EMC2: variants seen among roughly 807,000 people sequenced by gnomAD.
The protein encoded by EMC2 is ER membrane protein complex subunit 2.
Under a neutral mutation model 51.6 loss-of-function variants are expected in EMC2, and 37 were observed. The ratio of observed to expected loss-of-function variants is 0.72; its 90% confidence interval spans 0.55 to 0.94. EMC2 has a LOEUF of 0.94. Ranked by LOEUF, EMC2 falls within the 40% of genes least tolerant of loss-of-function variation. The pLI is 0.00. For synonymous variants in EMC2, 131 were observed against 112.4 expected (o/e 1.17, Z -1.04); for missense variants, 359 against 350.9 (o/e 1.02, Z -0.18).
rs1811186310 is a variant in EMC2 at position 108,488,639 on chromosome 8, G to A, written c.*2041G>A. Among the ~76,000 whole-genome samples, 1 of 152,128 alleles carries A rather than the reference G, an allele frequency of 6.6e-6. No individual in the cohort carries two copies. The highest frequency in any genetic ancestry group is 2.4e-5 in the African/African-American group (1 of 41,430). ...TTCTTCTTTAGCAGTACCTTAGTTT[G>A]ATCTGATAGTGGCAAGGATCCCTCT... is the stretch of plus-strand genomic sequence containing the variant. On this transcript the variant is annotated 3_prime_UTR_variant, in exon 11 of 11. Transcript: ENST00000220853.
In EMC2 at chr8:108,487,248, A is replaced by G. The variant is rs1445437827; in HGVS notation, c.*650A>G. 1.3e-5 allele frequency among the ~76,000 whole-genome samples: 2 copies of G among 152,118 alleles called. No homozygotes were observed. Among genetic ancestry groups the G allele is most frequent in the African/African-American group, 4.8e-5 (2 of 41,442 alleles). ...TTACATATAAAATGCCTTAAGATAA[A>G]TATGTGTTACGACACTTTAACTTTT... On this transcript the variant is annotated 3_prime_UTR_variant, in exon 11 of 11. Coordinates refer to ENST00000220853, the MANE Select transcript of EMC2 (RefSeq NM_014673.5).
At chr8:108,462,176 G>A (rs1238336108) in intron 5 of EMC2, among the ~76,000 whole-genome samples, 21 of 151,588 alleles carry the variant, frequency 1.4e-4, no homozygotes, top group Admixed American at 4.6e-4. Flanking sequence ...ATAGGCCTGC[G>A]CGTGTGTGTG....
At chr8:108,455,851 G>T in intron 4 of EMC2, 22 bp from the exon 5 acceptor site, 2 of 892,964 alleles carry the variant, frequency 2.2e-6, no homozygotes, top group Non-Finnish European at 3.4e-6. Flanking sequence ...AATTGTAGAT[G>T]TTTCTTTTTC....
At chr8:108,459,202 A>G (rs1819244650) in intron 5 of EMC2, among the ~76,000 whole-genome samples, 1 of 152,226 alleles carries the variant, frequency 6.6e-6, no homozygotes, top group South Asian at 2.1e-4. Context: ...GTAGGGAGTT[A>G]CAAACTTTCC....
In EMC2 at chr8:108,455,861, C is replaced by A; in HGVS notation, c.306-12C>A. ...GTAATAATTGTAGATGTTTCTTTTT[C>A]TTTTTAAATAGATATGATGATGCTA... is the stretch of plus-strand genomic sequence containing the variant. On this transcript the variant is annotated splice_polypyrimidine_tract_variant and intron_variant, in intron 4 of 10. Coordinates refer to ENST00000220853, the MANE Select transcript of EMC2 (RefSeq NM_014673.5). The A allele has an allele frequency of 2.0e-6, 2 of 1,014,938 alleles. No individual in the cohort carries two copies. The highest frequency in any genetic ancestry group is 2.9e-6 in the Non-Finnish European group (2 of 696,860). The allele number at this position is 1,014,938 out of a possible 1,614,324, so 62.9% of individuals were successfully genotyped here. A position where few individuals can be genotyped will look rare whatever the true frequency, so the allele number is the denominator to read the frequency against.
intron 2 of EMC2, among the ~76,000 whole-genome samples, 178 bp from the exon 3 acceptor site, chr8:108,450,248 CAT>C (rs1818983801): frequency 1.3e-5 from 2 of 152,252 alleles, no homozygotes; most frequent in South Asian, 4.1e-4. Flanking sequence ...CTTACATTAA[CAT>C]ATTTTACACT....
rs147396083 is a variant in EMC2 at position 108,467,217 on chromosome 8, G to A, written c.364-2609G>A. On this transcript the variant is annotated intron_variant, in intron 5 of 10. Coordinates refer to ENST00000220853, the MANE Select transcript of EMC2 (RefSeq NM_014673.5). ...TGAATGCGTGGAAACTAAGATGTGC[G>A]TTTCTATTTTTATCTTAGTTTTTTG... is the stretch of plus-strand genomic sequence containing the variant. 2.6e-4 allele frequency among the ~76,000 whole-genome samples: 39 copies of A among 152,094 alleles called. No homozygotes were observed. The East Asian group carries it at 6.2e-3, about 24-fold the overall frequency.
At chr8:108,452,492 A>G (rs1374311961) in intron 3 of EMC2, among the ~76,000 whole-genome samples, 3 of 152,118 alleles carry the variant, frequency 2.0e-5, no homozygotes, top group East Asian at 1.9e-4. Context: ...GCTTGAACCC[A>G]GGAGGTGGAG....
chr8:108,463,334 G>C (rs1263269548), intron 5 of EMC2, among the ~76,000 whole-genome samples: 1 of 152,158 alleles, frequency 6.6e-6, no homozygotes, highest in African/African-American at 2.4e-5. Context: ...AATTGGAGGG[G>C]ACTGGGCTAC....
chr8:108,459,011 A>G (rs1010810572), intron 5 of EMC2, among the ~76,000 whole-genome samples: 1 of 152,180 alleles, frequency 6.6e-6, no homozygotes, highest in Admixed American at 6.5e-5. Flanking sequence ...ATCTCTCTCA[A>G]GTTCAGAGTT....
intron 1 of EMC2, among the ~76,000 whole-genome samples, chr8:108,444,113 A>G (rs1818819031): frequency 6.6e-6 from 1 of 152,240 alleles, no homozygotes; most frequent in African/African-American, 2.4e-5. Flanking sequence ...GTGTGTAAGG[A>G]TTACAGCTCT....
intron 10 of EMC2, among the ~76,000 whole-genome samples, chr8:108,482,604 A>C (rs926583408): frequency 6.4e-5 from 5 of 78,564 alleles, no homozygotes; most frequent in African/African-American, 2.2e-4. Context: ...TTTTTAAGAC[A>C]GAATCTGGTT....
At chr8:108,456,359 A>AAAAAAAAAAAAAAC (rs1819158373) in intron 5 of EMC2, among the ~76,000 whole-genome samples, 8 of 150,048 alleles carry the variant, frequency 5.3e-5, no homozygotes, top group African/African-American at 2.0e-4. Flanking sequence ...AAAAAAAAAA[A>AAAAAAAAAAAAAAC]AACAACTTCT....
chr8:108,459,752 G>GTGTGTGTGTC (rs1563694646), intron 5 of EMC2, among the ~76,000 whole-genome samples: 2 of 151,638 alleles, frequency 1.3e-5, no homozygotes, highest in Admixed American at 1.3e-4. Flanking sequence ...GTGTGTGTGT[G>GTGTGTGTGTC]TGATTGTTTT....
At chr8:108,463,805 TAGA>T (rs1563696367) in intron 5 of EMC2, among the ~76,000 whole-genome samples, 2 of 152,042 alleles carry the variant, frequency 1.3e-5, no homozygotes, top group Admixed American at 6.5e-5. Context: ...TGAGACTGCC[TAGA>T]AAAGTCTGAC....
chr8:108,455,568 C>T (rs757488153), intron 4 of EMC2, among the ~76,000 whole-genome samples: 2 of 152,108 alleles, frequency 1.3e-5, no homozygotes, highest in Non-Finnish European at 2.9e-5. Context: ...CTTGTTCTGT[C>T]TTCAACTTGT....
chr8:108,444,114 T>G (rs1314218451), intron 1 of EMC2, among the ~76,000 whole-genome samples: 2 of 152,200 alleles, frequency 1.3e-5, no homozygotes, highest in Non-Finnish European at 2.9e-5. Flanking sequence ...TGTGTAAGGA[T>G]TACAGCTCTG....
chr8:108,466,399 A>G (rs1586185902), intron 5 of EMC2, among the ~76,000 whole-genome samples: 2 of 150,010 alleles, frequency 1.3e-5, no homozygotes, highest in South Asian at 2.1e-4. Context: ...TCTAAGTATA[A>G]TTTTTATTTT....
chr8:108,460,291 GATTA>G (rs1819286089), intron 5 of EMC2, among the ~76,000 whole-genome samples: 1 of 152,162 alleles, frequency 6.6e-6, no homozygotes, highest in Admixed American at 6.5e-5. Flanking sequence ...GATAATATGT[GATTA>G]ATTATTGCTC....
Sources: allele counts gnomAD v4.1 joint callset (sites outside exome capture counted in the v4.1 genomes callset), GRCh38; gene constraint gnomAD v4.1.1; transcripts MANE v1.5; gene names NCBI Gene and HGNC (gene_info 2026-07-23, HGNC 2026-07-21).